Variants in ZFAND3 observed in about 807,000 individuals in gnomAD.
ZFAND3 encodes the protein zinc finger AN1-type containing 3, also known as AN1-type zinc finger protein 3.
In ZFAND3, 10 loss-of-function variants were observed where a neutral mutation model predicts 29.6. The ratio of observed to expected loss-of-function variants is 0.34; its 90% CI spans 0.21 to 0.57. ZFAND3 has a LOEUF of 0.57. Among genes scored for constraint, ZFAND3 ranks in the 20% least tolerant of loss-of-function variants. The pLI is 0.86. For missense variants in ZFAND3, 230 were observed against 304.5 expected, an observed-to-expected ratio of 0.76 and a Z score of 1.82; for synonymous variants, 128 against 112.6, an observed-to-expected ratio of 1.14 and a Z score of -0.87.
intron 1 of ZFAND3, among the ~76,000 whole-genome samples, chr6:37,882,788 A>G (rs1764920227): frequency 1.3e-5 from 2 of 152,096 alleles, no homozygotes; most frequent in African/African-American, 4.8e-5. Flanking sequence ...CTTTACAGAA[A>G]TCCTCTTTGT....
chr6:37,942,931 C>T (rs144855872), intron 2 of ZFAND3, among the ~76,000 whole-genome samples: 3 of 152,140 alleles, frequency 2.0e-5, no homozygotes, highest in African/African-American at 4.8e-5. Flanking sequence ...GTATCAAAAA[C>T]TTTGAAATAA....
intron 2 of ZFAND3, among the ~76,000 whole-genome samples, chr6:37,974,466 G>T (rs570294189): frequency 6.8e-6 from 1 of 146,802 alleles, no homozygotes; most frequent in Non-Finnish European, 1.5e-5. Flanking sequence ...GGGCAGTAGC[G>T]TGATCACACC....
chr6:37,847,334 G>T (rs1764199871), intron 1 of ZFAND3, among the ~76,000 whole-genome samples: 1 of 152,092 alleles, frequency 6.6e-6, no homozygotes, highest in African/African-American at 2.4e-5. Flanking sequence ...CCAGCACTAT[G>T]GGAGGCTGAG....
intron 2 of ZFAND3, among the ~76,000 whole-genome samples, chr6:37,968,688 C>A (rs1431015259): frequency 6.6e-6 from 1 of 152,046 alleles, no homozygotes; most frequent in Non-Finnish European, 1.5e-5. Flanking sequence ...TTATTCAAAC[C>A]CTTCCCCCTT....
chr6:38,030,874 A>C (rs1207730968), intron 2 of ZFAND3, among the ~76,000 whole-genome samples: 2 of 152,184 alleles, frequency 1.3e-5, no homozygotes, highest in Non-Finnish European at 2.9e-5. Context: ...GTTTAAATGA[A>C]TGTTGATTGT....
intron 2 of ZFAND3, among the ~76,000 whole-genome samples, chr6:38,042,007 T>TG (rs1032564313): frequency 2.0e-3 from 300 of 148,830 alleles, no homozygotes; most frequent in Non-Finnish European, 3.5e-3. Context: ...GGCTTTTTTT[T>TG]GGGGGGGAGG....
intron 5 of ZFAND3, among the ~76,000 whole-genome samples, chr6:38,122,918 G>T (rs1419403167): frequency 6.6e-6 from 1 of 152,302 alleles, no homozygotes; most frequent in East Asian, 1.9e-4. Context: ...GGGCAAAGCT[G>T]GTATTTAGGA....
At chr6:37,872,508 A>G (rs999834951) in intron 1 of ZFAND3, among the ~76,000 whole-genome samples, 1 of 152,156 alleles carries the variant, frequency 6.6e-6, no homozygotes, top group African/African-American at 2.4e-5. Context: ...AAAACCTCAG[A>G]AACCCCTTTC....
At chr6:38,012,061 C>T (rs1763163150) in intron 2 of ZFAND3, among the ~76,000 whole-genome samples, 1 of 152,092 alleles carries the variant, frequency 6.6e-6, no homozygotes, top group South Asian at 2.1e-4. Context: ...AGATGTTTAG[C>T]ACACACTGCG....
chr6:38,150,477 C>T (rs1031126291), intron 5 of ZFAND3, among the ~76,000 whole-genome samples: 4 of 152,234 alleles, frequency 2.6e-5, no homozygotes, highest in African/African-American at 9.6e-5. Flanking sequence ...CAGCTACATC[C>T]TTGAGACTGG....
intron 1 of ZFAND3, among the ~76,000 whole-genome samples, chr6:37,838,118 T>A (rs984306014): frequency 1.3e-5 from 2 of 152,184 alleles, no homozygotes; most frequent in Non-Finnish European, 2.9e-5. Flanking sequence ...CATTAGAAAG[T>A]TTGTTCTTGA....
At position 38,144,208 on chromosome 6, in the gene ZFAND3, TATAATATATA is replaced by T. The variant is rs1766042923; in HGVS notation, c.530-8023_530-8014del. Among the ~76,000 whole-genome samples, 4 of 43,472 alleles carry T rather than the reference TATAATATATA, an allele frequency of 9.2e-5. No individual in the cohort carries two copies. In the South Asian group the frequency reaches 1.5e-3, roughly 16 times the overall value. 28.5% of individuals were successfully genotyped at this position (43,472 alleles called of 152,430 possible). The stretch of plus-strand genomic sequence containing the variant: ...TAATATATATATATATATATATATA[TATAATATATA>T]ATATATATATATATTTTTTTTTTAA... On this transcript the variant is annotated intron_variant, in intron 5 of 5. Transcript: ENST00000287218.
chr6:38,125,579 A>G (rs917726759), intron 5 of ZFAND3, among the ~76,000 whole-genome samples: 2 of 152,176 alleles, frequency 1.3e-5, no homozygotes, highest in African/African-American at 4.8e-5. Flanking sequence ...CCCTTATCCC[A>G]TGGCATGAGA....
chr6:38,031,203 C>T (rs1763553005), intron 2 of ZFAND3, among the ~76,000 whole-genome samples: 1 of 152,096 alleles, frequency 6.6e-6, no homozygotes, highest in Non-Finnish European at 1.5e-5. Context: ...TTGTTTGCCT[C>T]TGTATTTGGG....
chr6:38,050,349 A>G (rs1201837020), intron 2 of ZFAND3, among the ~76,000 whole-genome samples: 1 of 151,974 alleles, frequency 6.6e-6, no homozygotes, highest in African/African-American at 2.4e-5. Flanking sequence ...GGCTCAAGCA[A>G]TCCTCCTACC....
chr6:38,131,484 C>G (rs1007512868), intron 5 of ZFAND3, among the ~76,000 whole-genome samples: 2 of 152,152 alleles, frequency 1.3e-5, no homozygotes, highest in South Asian at 4.1e-4. Context: ...ATTTTATAGA[C>G]TCATTTGTTC....
At chr6:37,914,891 T>C (rs191114972) in intron 1 of ZFAND3, among the ~76,000 whole-genome samples, 18 of 142,160 alleles carry the variant, frequency 1.3e-4, no homozygotes, top group Admixed American at 1.2e-3. Context: ...TGCCTTAGCC[T>C]TTAACAAGAG....
chr6:37,939,438 A>T (rs553658799), intron 2 of ZFAND3, among the ~76,000 whole-genome samples: 1 of 152,170 alleles, frequency 6.6e-6, no homozygotes, highest in Non-Finnish European at 1.5e-5. Flanking sequence ...CTTATCCCGG[A>T]TTATCTCATC....
chr6:37,843,363 T>C (rs911359538), intron 1 of ZFAND3, among the ~76,000 whole-genome samples: 2 of 151,802 alleles, frequency 1.3e-5, no homozygotes, highest in Non-Finnish European at 2.9e-5. Context: ...GGCGGGCACC[T>C]GTAGTCCCAG....
Sources: gnomAD v4.1 joint callset for allele counts (sites outside exome capture counted in the v4.1 genomes callset) on GRCh38, gnomAD v4.1.1 for gene constraint, MANE v1.5 for transcripts, NCBI Gene and HGNC (gene_info 2026-07-23, HGNC 2026-07-21) for gene names.